The following ZNF774 variants were observed in gnomAD, a reference collection of about 807,000 sequenced individuals.
ZNF774 encodes zinc finger protein 774.
In ZNF774, 14 loss-of-function variants were observed where a neutral mutation model predicts 11.1. That is an observed-to-expected ratio of 1.26 (90% CI 0.83 to 1.97). The LOEUF is 1.97. Ranked by LOEUF, ZNF774 falls within the 30% of genes most tolerant of loss-of-function variation. The probability of loss-of-function intolerance (pLI) is 0.00; values close to 1 mark genes in which losing one functional copy is unlikely to be tolerated. For synonymous variants in ZNF774, 195 were observed against 212.6 expected, an observed-to-expected ratio of 0.92 and a Z score of 0.72; for missense variants, 599 against 587.0, an observed-to-expected ratio of 1.02 and a Z score of -0.21.
At chr15:90,358,746 TC>T in intron 2 of ZNF774, 104 bp from the exon 3 acceptor site, 1 of 752,686 alleles carries the variant, frequency 1.3e-6, no homozygotes. Flanking sequence ...ACGTTAGAGC[TC>T]CCCAGGTGTT....
chr15:90,353,882 A>G (rs185579097), intron 1 of ZNF774, among the ~76,000 whole-genome samples: 43 of 152,300 alleles, frequency 2.8e-4, no homozygotes, highest in Non-Finnish European at 5.4e-4. Context: ...GCCTGGCAAC[A>G]TATTAATTGT....
rs752787398 is a variant in ZNF774 at position 90,361,538 on chromosome 15, G to A, written c.*255G>A. ...GTTTAATAGTTGATGCCCGCCAGGC[G>A]TGGTGGCTCACCCCTGTAATCCCAG... On this transcript the variant is annotated 3_prime_UTR_variant, in exon 4 of 4. Transcript: ENST00000354377. 1.5e-5 allele frequency: 18 copies of A among 1,194,548 alleles called. No homozygotes were observed. In the East Asian group the frequency reaches 2.0e-4, roughly 13 times the overall value. The allele number at this position is 1,194,548 out of a possible 1,614,324, so 74.0% of individuals were successfully genotyped here. A position where few individuals can be genotyped will look rare whatever the true frequency, so the allele number is the denominator to read the frequency against.
In ZNF774 at chr15:90,360,932, AAC is replaced by A. The variant is rs867233199; in HGVS notation, c.1109_1110del (p.Thr370ArgfsTer2). 5 of 1,614,110 alleles carry A rather than the reference AAC, an allele frequency of 3.1e-6. No individual in the cohort carries two copies. In the African/African-American group the frequency reaches 4.0e-5, roughly 13 times the overall value. On this transcript the variant is annotated frameshift_variant, in exon 4 of 4. Coordinates refer to ENST00000354377, the MANE Select transcript of ZNF774 (RefSeq NM_001004309.3). LOFTEE classifies it low-confidence loss of function (END_TRUNC). ...GCTCACATTTGGTCACGCACCAAAG[AAC>A]ACACACAGGTGAGAGACCTTTTAAG... ...QSSHLVTHQR[T>X]HTGERPFKCE...
In ZNF774 at chr15:90,362,535, A is replaced by G. The variant is rs1305510408; in HGVS notation, c.*1252A>G. 3.9e-6 allele frequency: 6 copies of G among 1,535,740 alleles called. No individual in the cohort carries two copies. The highest frequency in any genetic ancestry group is 5.2e-6 in the Non-Finnish European group (6 of 1,146,702). On this transcript the variant is annotated 3_prime_UTR_variant, in exon 4 of 4. Transcript: ENST00000354377. ...AGTTTTAGGTTAATATAATTCTCTGATCCTTTTAGGGCCATCCAGGTTATG... is the reference window on the plus strand; with the variant it reads ...AGTTTTAGGTTAATATAATTCTCTGGTCCTTTTAGGGCCATCCAGGTTATG...
chr15:90,353,230 G>C (rs1964198381), intron 1 of ZNF774, among the ~76,000 whole-genome samples: 1 of 152,080 alleles, frequency 6.6e-6, no homozygotes, highest in Non-Finnish European at 1.5e-5. Context: ...TCTTCCCAAA[G>C]TGCTGGGATT....
chr15:90,362,579 T>A lies in ZNF774; in HGVS notation c.*1296T>A, dbSNP rs1463941478. 1.2e-5 allele frequency: 18 copies of A among 1,535,622 alleles called. No homozygotes were observed. The highest frequency in any genetic ancestry group is 1.6e-5 in the Non-Finnish European group (18 of 1,146,612). Reference sequence around the variant, plus strand: ...GGTTATGCACTAGTACATTCCTACATTCAATTGAAATAAATTGAGGGACGG... The same window carrying A: ...GGTTATGCACTAGTACATTCCTACAATCAATTGAAATAAATTGAGGGACGG... On this transcript the variant is annotated 3_prime_UTR_variant, in exon 4 of 4. Transcript: ENST00000354377.
chr15:90,354,913 A>G, intron 2 of ZNF774, 149 bp downstream of exon 2: 2 of 697,178 alleles, frequency 2.9e-6, no homozygotes, highest in Non-Finnish European at 4.9e-6. Context: ...TCCCACCTCA[A>G]CCTCCTGAGT....
At chr15:90,354,569 C>T in intron 1 of ZNF774, 73 bp from the exon 2 acceptor site, 1 of 1,005,898 alleles carries the variant, frequency 9.9e-7, no homozygotes, top group South Asian at 1.5e-5. Context: ...CACTGGTGGC[C>T]ATTTTTTGGC....
intron 3 of ZNF774, 98 bp from the exon 4 acceptor site, chr15:90,359,945 G>C (rs1964302046): frequency 3.0e-6 from 4 of 1,352,396 alleles, no homozygotes; most frequent in Admixed American, 4.7e-5. Flanking sequence ...AGTGCAGTCT[G>C]CTGCAGAAAC....
chr15:90,354,847 T>G (rs1246799412), intron 2 of ZNF774, 83 bp downstream of exon 2: 17 of 1,151,982 alleles, frequency 1.5e-5, no homozygotes, highest in Non-Finnish European at 2.2e-5. Context: ...CAGGCTGGAG[T>G]GCAGTGGCGC....
rs748579993 is a variant in ZNF774 at position 90,360,414 on chromosome 15, G to C, written c.583G>C (p.Val195Leu). Residue 195 changes from valine to leucine, a missense_variant, in exon 4 of 4, where the codon GTC becomes CTC. By Grantham distance (32) the Val-to-Leu change is conservative (BLOSUM62 1). Coordinates refer to ENST00000354377, the MANE Select transcript of ZNF774 (RefSeq NM_001004309.3). ...AGGCTTCAAACAGAGCTCAGACCTT[G>C]TCACCCATCGCAGAACACACACAGG... Reference protein sequence around the residue: ...GKGFKQSSDLVTHRRTHTGEK... With the variant: ...GKGFKQSSDLLTHRRTHTGEK... 1.9e-6 allele frequency: 3 copies of C among 1,613,278 alleles called. No homozygotes were observed. In the East Asian group the frequency reaches 6.7e-5, roughly 36 times the overall value.
chr15:90,358,689 G>A (rs987947461), intron 2 of ZNF774, among the ~76,000 whole-genome samples, 162 bp from the exon 3 acceptor site: 2 of 152,110 alleles, frequency 1.3e-5, no homozygotes, highest in African/African-American at 4.8e-5. Context: ...AAATCACCGT[G>A]TTTTATCACT....
At chr15:90,359,977 T>C in intron 3 of ZNF774, 66 bp from the exon 4 acceptor site, 1 of 1,499,184 alleles carries the variant, frequency 6.7e-7, no homozygotes, top group East Asian at 2.3e-5. Flanking sequence ...TCTTTGTCAC[T>C]GCTTTCTGAT....
At chr15:90,356,964 C>T (rs1328907091) in intron 2 of ZNF774, among the ~76,000 whole-genome samples, 1 of 152,012 alleles carries the variant, frequency 6.6e-6, no homozygotes, top group African/African-American at 2.4e-5. Context: ...TCTAAACTTT[C>T]ACCAGGTTGT....
At chr15:90,358,745 C>A in intron 2 of ZNF774, 106 bp from the exon 3 acceptor site, 1 of 744,454 alleles carries the variant, frequency 1.3e-6, no homozygotes, top group Non-Finnish European at 2.2e-6. Context: ...CACGTTAGAG[C>A]TCCCCAGGTG....
chr15:90,358,829 C>T (rs1359439067), intron 2 of ZNF774, 22 bp from the exon 3 acceptor site: 2 of 1,604,018 alleles, frequency 1.2e-6, no homozygotes, highest in South Asian at 2.2e-5. Context: ...GACTCACATC[C>T]TATGTTTACA....
chr15:90,361,380 A>G lies in ZNF774; in HGVS notation c.*97A>G, dbSNP rs759783092. On this transcript the variant is annotated 3_prime_UTR_variant, in exon 4 of 4. Transcript: ENST00000354377. ...AGAAAACCTGGGCGTCAGTGGCTCAATTTGGGCCCTGATCTATTCTCCCTC... is the reference window on the plus strand; with the variant it reads ...AGAAAACCTGGGCGTCAGTGGCTCAGTTTGGGCCCTGATCTATTCTCCCTC... The G allele has an allele frequency of 5.1e-5, 76 of 1,501,592 alleles. No homozygotes were observed. The highest frequency in any genetic ancestry group is 5.8e-5 in the Non-Finnish European group (66 of 1,134,850). The allele number at this position is 1,501,592 out of a possible 1,614,324, so 93.0% of individuals were successfully genotyped here.
chr15:90,358,493 C>T (rs1382466280), intron 2 of ZNF774, among the ~76,000 whole-genome samples: 1 of 152,136 alleles, frequency 6.6e-6, no homozygotes, highest in African/African-American at 2.4e-5. Context: ...TTATAGTTAA[C>T]TTCCTTCATT....
rs1964324162 is a variant in ZNF774 at position 90,360,919 on chromosome 15, T to A, written c.1088T>A (p.Val363Asp). The part of the protein sequence containing the change: ...HKSFSQSSHL[V>D]THQRTHTGER... ...AGCTTCAGTCAGAGCTCACATTTGG[T>A]CACGCACCAAAGAACACACACAGGT... is the stretch of plus-strand genomic sequence containing the variant. The change falls in exon 4 of 4, where the codon GTC becomes GAC. Residue 363 changes from valine to aspartate, a missense_variant. Transcript: ENST00000354377. The A allele has an allele frequency of 1.2e-6, 2 of 1,614,028 alleles. No individual in the cohort carries two copies. Among genetic ancestry groups the A allele is most frequent in the Admixed American group, 1.7e-5 (1 of 60,000 alleles).
Sources: gnomAD v4.1 joint callset for allele counts (sites outside exome capture counted in the v4.1 genomes callset) on GRCh38, gnomAD v4.1.1 for gene constraint, MANE v1.5 for transcripts, NCBI Gene and HGNC (gene_info 2026-07-23, HGNC 2026-07-21) for gene names.